The following ECT2 variants were observed in gnomAD, a reference collection of about 807,000 sequenced individuals.
The protein encoded by ECT2 is epithelial cell transforming 2, also known as protein ECT2.
Under a neutral mutation model 116.9 loss-of-function variants are expected in ECT2, and 61 were observed. The observed-to-expected ratio is 0.52, with a 90% CI of 0.42 to 0.65. The LOEUF is 0.65. ECT2 is among the 30% of genes least tolerant of loss of function. The probability of loss-of-function intolerance (pLI) is 0.00; values close to 1 mark genes in which losing one functional copy is unlikely to be tolerated. For missense variants in ECT2, 937 were observed against 1,078.7 expected (o/e 0.87, Z 1.84); for synonymous variants, 358 against 346.4 (o/e 1.03, Z -0.37).
chr3:172,819,036 A>G (rs906966542), intron 24 of ECT2, among the ~76,000 whole-genome samples: 1 of 152,118 alleles, frequency 6.6e-6, no homozygotes, highest in African/African-American at 2.4e-5. Flanking sequence ...ATTTTAAAGA[A>G]TAGTAATTGT....
intron 22 of ECT2, among the ~76,000 whole-genome samples, chr3:172,809,604 C>A (rs1728407337): frequency 6.6e-6 from 1 of 151,092 alleles, no homozygotes; most frequent in South Asian, 2.1e-4. Flanking sequence ...CACACGCACA[C>A]ACACACGTGA....
downstream of ECT2, among the ~76,000 whole-genome samples, chr3:172,822,876 T>A (rs1730744228): frequency 6.6e-6 from 1 of 151,874 alleles, no homozygotes; most frequent in African/African-American, 2.4e-5. Context: ...ATGTAAAAAA[T>A]GGGACATGAA....
At chr3:172,788,473 G>A (rs6785545) in intron 18 of ECT2, among the ~76,000 whole-genome samples, 9,342 of 152,142 alleles carry the variant, frequency 0.061, 973 homozygotes, top group African/African-American at 0.21. Flanking sequence ...GAACATTTCT[G>A]TCACCCCCAA....
At chr3:172,786,073 C>G (rs532663010) in intron 17 of ECT2, among the ~76,000 whole-genome samples, 40 of 152,218 alleles carry the variant, frequency 2.6e-4, no homozygotes, top group Non-Finnish European at 5.3e-4. Context: ...GTATAAATCT[C>G]TAAGGTAACA....
At position 172,788,425 on chromosome 3, in the gene ECT2, A is replaced by G. The variant is rs548237612; in HGVS notation, c.1907+1851A>G. On this transcript the variant is annotated intron_variant, in intron 18 of 24. Coordinates refer to ENST00000392692, the MANE Select transcript of ECT2 (RefSeq NM_001258315.2). ...TATAGTTTGATTAATTTCAGCACAC[A>G]TATGCTCCCATGAAACCATCACCAC... 1.3e-4 allele frequency among the ~76,000 whole-genome samples: 20 copies of G among 152,340 alleles called. No homozygotes were observed. In the South Asian group the frequency reaches 3.7e-3, roughly 28 times the overall value.
intron 5 of ECT2, among the ~76,000 whole-genome samples, chr3:172,757,502 G>A (rs951472936): frequency 4.4e-5 from 6 of 137,838 alleles, no homozygotes; most frequent in South Asian, 2.4e-4. Context: ...TGCAAGCTCC[G>A]CCTCCTGGGT....
Position 172,760,246 on chromosome 3 carries a change from CAAG to C in ECT2, c.668_670del (p.Gln223_Gly224delinsArg), listed in dbSNP as rs1560251081. 2 of 1,609,148 alleles carry C rather than the reference CAAG, an allele frequency of 1.2e-6. No homozygotes were observed. Among genetic ancestry groups the C allele is most frequent in the African/African-American group, 1.3e-5 (1 of 74,748 alleles). On this transcript the variant is annotated inframe_deletion, in exon 7 of 25. Coordinates refer to ENST00000392692, the MANE Select transcript of ECT2 (RefSeq NM_001258315.2). ...TACACATTTGGTGGCAAATTGTACA[CAAG>C]GAGAAAAATTCAGGGTATGTAAACT...
intron 22 of ECT2, among the ~76,000 whole-genome samples, chr3:172,811,956 A>G (rs1728834266): frequency 6.6e-6 from 1 of 151,702 alleles, no homozygotes; most frequent in Non-Finnish European, 1.5e-5. Context: ...AAGCATAGAC[A>G]TATGTACATT....
rs201316408 is a variant in ECT2 at position 172,764,475 on chromosome 3, A to G, written c.1266A>G (p.Thr422=). The G allele has an allele frequency of 6.2e-7, 1 of 1,613,960 alleles. No homozygotes were observed. The highest frequency in any genetic ancestry group is 2.2e-5 in the East Asian group (1 of 44,880). Residue 422 remains threonine (T), a synonymous_variant, in exon 12 of 25, where the codon ACA becomes ACG. Coordinates refer to ENST00000392692, the MANE Select transcript of ECT2 (RefSeq NM_001258315.2). ...GGTCACTCCTAGATATCTCCAACAC[A>G]CCAGAGTCTAGCATTAACTATGGAG... ...SIGSLLDISN[T]PESSINYGDT...
chr3:172,810,255 C>T (rs1728529074), intron 22 of ECT2, among the ~76,000 whole-genome samples: 1 of 152,082 alleles, frequency 6.6e-6, no homozygotes, highest in African/African-American at 2.4e-5. Context: ...CAATTTAGTA[C>T]TTTTGCCGCT....
chr3:172,782,311 A>G, intron 15 of ECT2, 80 bp downstream of exon 15: 2 of 723,904 alleles, frequency 2.8e-6, no homozygotes, highest in Non-Finnish European at 4.4e-6. Context: ...TAATTTGCCT[A>G]TTTAAATGTG....
chr3:172,757,415 C>CTTTTT (rs34169147), intron 5 of ECT2, among the ~76,000 whole-genome samples: 18 of 120,434 alleles, frequency 1.5e-4, no homozygotes, highest in African/African-American at 4.6e-4. Context: ...ATACATAGTC[C>CTTTTT]TTTTTTTTTT....
In ECT2 at chr3:172,815,728, G is replaced by T; in HGVS notation, c.2508+17G>T. ...TCAAAAAAGGTGAGTTTTAGTGAAAGTATTATTTAGCACATCTCTAACATA... is the reference window on the plus strand; with the variant it reads ...TCAAAAAAGGTGAGTTTTAGTGAAATTATTATTTAGCACATCTCTAACATA... On this transcript the variant is annotated intron_variant, in intron 23 of 24. Transcript: ENST00000392692. 6.9e-7 allele frequency: 1 copy of T among 1,449,304 alleles called. No individual in the cohort carries two copies. Among genetic ancestry groups the T allele is most frequent in the East Asian group, 2.3e-5 (1 of 43,706 alleles). The allele number at this position is 1,449,304 out of a possible 1,614,324, so 89.8% of individuals were successfully genotyped here.
chr3:172,786,535 C>T lies in ECT2; in HGVS notation c.1868C>T (p.Thr623Ile), dbSNP rs866090794. Residue 623 changes from threonine to isoleucine, a missense_variant, in exon 18 of 25, where the codon ACT (threonine) becomes ATT (isoleucine). Coordinates refer to ENST00000392692, the MANE Select transcript of ECT2 (RefSeq NM_001258315.2). ...HTADENPDKS[T>I]LEKAIGSLKE... ...GCTGATGAAAATCCAGACAAAAGCA[C>T]TTTAGAAAAAGCTATTGGATCACTG... The T allele has an allele frequency of 3.1e-6, 5 of 1,610,728 alleles. No homozygotes were observed. The Middle Eastern group carries it at 6.6e-4, about 212-fold the overall frequency.
At chr3:172,765,261 G>A (rs1331718569) in intron 12 of ECT2, among the ~76,000 whole-genome samples, 2 of 151,878 alleles carry the variant, frequency 1.3e-5, no homozygotes, top group African/African-American at 4.8e-5. Flanking sequence ...CTTTGCTTCT[G>A]TGATATTACT....
intron 18 of ECT2, among the ~76,000 whole-genome samples, chr3:172,788,784 A>G (rs376252519): frequency 2.0e-5 from 3 of 152,300 alleles, no homozygotes; most frequent in South Asian, 4.1e-4. Flanking sequence ...AACAGGCAGG[A>G]CGCTGTGGCT....
chr3:172,790,585 C>G (rs1282651099), intron 18 of ECT2, among the ~76,000 whole-genome samples: 1 of 152,182 alleles, frequency 6.6e-6, no homozygotes, highest in Non-Finnish European at 1.5e-5. Context: ...TTTCAATTGA[C>G]TTAGTGATTC....
At chr3:172,818,780 A>G in intron 24 of ECT2, 1 of 1,276,214 alleles carries the variant, frequency 7.8e-7, no homozygotes, top group Non-Finnish European at 1.0e-6. Context: ...GAGATTTGCC[A>G]ACCACTAATG....
chr3:172,807,810 A>G lies in ECT2; in HGVS notation c.2286A>G (p.Thr762=), dbSNP rs891039142. The G allele has an allele frequency of 3.1e-6, 5 of 1,613,740 alleles. No individual in the cohort carries two copies. The highest frequency in any genetic ancestry group is 4.2e-6 in the Non-Finnish European group (5 of 1,179,802). ...TTGCCTTGCTTGTGAGGCCACCAAC[A>G]GAGCAGGCAAATGTGCTACTCAGTT... The part of the protein sequence containing the change: ...NAFALLVRPP[T]EQANVLLSFQ... Residue 762 remains threonine, a synonymous_variant, in exon 22 of 25, where the codon ACA becomes ACG. Coordinates refer to ENST00000392692, the MANE Select transcript of ECT2 (RefSeq NM_001258315.2).
Sources: gnomAD v4.1 joint callset for allele counts (sites outside exome capture counted in the v4.1 genomes callset) on GRCh38, gnomAD v4.1.1 for gene constraint, MANE v1.5 for transcripts, NCBI Gene and HGNC (gene_info 2026-07-23, HGNC 2026-07-21) for gene names.